BAG4: variants seen among roughly 807,000 people sequenced by gnomAD.
The protein encoded by BAG4 is BAG family molecular chaperone regulator 4.
In BAG4, 28 loss-of-function variants were observed where a neutral mutation model predicts 52.1. That is an observed-to-expected ratio of 0.54 (90% confidence interval 0.40 to 0.74). The LOEUF is 0.74. BAG4 is among the 30% of genes least tolerant of loss of function. BAG4 has a pLI of 0.00. For synonymous variants in BAG4, 208 were observed against 217.0 expected (o/e 0.96, Z 0.37); for missense variants, 525 against 572.0 (o/e 0.92, Z 0.84).
intron 1 of BAG4, among the ~76,000 whole-genome samples, chr8:38,186,377 G>A (rs1373226110): frequency 6.6e-6 from 1 of 152,164 alleles, no homozygotes; most frequent in Non-Finnish European, 1.5e-5. Flanking sequence ...GAGTGGCTCA[G>A]ATGTTTTATC....
intron 1 of BAG4, among the ~76,000 whole-genome samples, chr8:38,183,855 T>C (rs963395121): frequency 6.6e-6 from 1 of 152,132 alleles, no homozygotes; most frequent in Non-Finnish European, 1.5e-5. Context: ...TTCCTTGATT[T>C]CTGGTACAAC....
At chr8:38,200,266 CA>C (rs1803638529) in intron 2 of BAG4, among the ~76,000 whole-genome samples, 1 of 152,144 alleles carries the variant, frequency 6.6e-6, no homozygotes, top group Admixed American at 6.5e-5. Flanking sequence ...CTCGGCCTCC[CA>C]AAGTGCTGGA....
Position 38,207,682 on chromosome 8 carries a change from C to T in BAG4, c.549C>T (p.Val183=). Residue 183 remains valine, a synonymous_variant, in exon 3 of 5, where the codon GTC becomes GTT. Coordinates refer to ENST00000287322, the MANE Select transcript of BAG4 (RefSeq NM_004874.4). ...YRSSGNSPTP[V]SRWIYPQQDC... ...CATCTGGCAACAGCCCAACTCCAGT[C>T]TCTCGTTGGATCTATCCCCAGCAGG... 6.2e-7 allele frequency: 1 copy of T among 1,614,164 alleles called. No homozygotes were observed. The highest frequency in any genetic ancestry group is 2.2e-5 in the East Asian group (1 of 44,884).
At position 38,210,242 on chromosome 8, in the gene BAG4, A is replaced by G. The variant is rs1351503289; in HGVS notation, c.1123A>G (p.Ser375Gly). 6.2e-7 allele frequency: 1 copy of G among 1,614,086 alleles called. No homozygotes were observed. Among genetic ancestry groups the G allele is most frequent in the Non-Finnish European group, 8.5e-7 (1 of 1,180,044 alleles). The change falls in exon 5 of 5, where the codon AGT (serine) becomes GGT (glycine). Residue 375 changes from serine to glycine, a missense_variant. By Grantham distance (56) the Ser-to-Gly change is moderately conservative. Transcript: ENST00000287322. ...TGAAGAATGTGTACCTTCAGATGAA[A>G]GTACTCCTCCGAGTATTAAAAAAAT... ...LPEECVPSDE[S>G]TPPSIKKIIH...
intron 1 of BAG4, among the ~76,000 whole-genome samples, chr8:38,181,886 CAAAAAAAAA>C (rs34268146): frequency 1.2e-3 from 45 of 37,264 alleles, no homozygotes; most frequent in South Asian, 4.1e-3. Flanking sequence ...GAGACTATCT[CAAAAAAAAA>C]AAAAAAAAAA....
chr8:38,182,403 T>C (rs896598356), intron 1 of BAG4, among the ~76,000 whole-genome samples: 2 of 152,172 alleles, frequency 1.3e-5, no homozygotes, highest in African/African-American at 4.8e-5. Flanking sequence ...TGTTGGTAAG[T>C]CATTTTGGAA....
At chr8:38,187,277 CAAAT>C (rs1803378802) in intron 1 of BAG4, among the ~76,000 whole-genome samples, 1 of 151,500 alleles carries the variant, frequency 6.6e-6, no homozygotes, top group African/African-American at 2.4e-5. Context: ...AAAAAAGAAA[CAAAT>C]AGAAATTCTG....
chr8:38,191,878 T>A (rs1485165598), intron 1 of BAG4, among the ~76,000 whole-genome samples: 1 of 152,122 alleles, frequency 6.6e-6, no homozygotes, highest in African/African-American at 2.4e-5. Context: ...TTTGAGTATA[T>A]TTAGTCTTTT....
chr8:38,188,744 G>A (rs1803417372), intron 1 of BAG4, among the ~76,000 whole-genome samples: 4 of 150,582 alleles, frequency 2.7e-5, no homozygotes, highest in Admixed American at 2.7e-4. Context: ...GCAACTATGA[G>A]AAAGCTGGAG....
At chr8:38,191,299 GA>G (rs1803469590) in intron 1 of BAG4, among the ~76,000 whole-genome samples, 1 of 152,070 alleles carries the variant, frequency 6.6e-6, no homozygotes, top group Admixed American at 6.6e-5. Context: ...TATGATTACT[GA>G]AAAAAATTCA....
chr8:38,206,200 G>T (rs1803767468), intron 2 of BAG4, among the ~76,000 whole-genome samples: 1 of 151,296 alleles, frequency 6.6e-6, no homozygotes, highest in Non-Finnish European at 1.5e-5. Context: ...GCTTGAATCT[G>T]GGGGGTGGAG....
At chr8:38,186,985 G>T (rs1305254505) in intron 1 of BAG4, among the ~76,000 whole-genome samples, 5 of 152,150 alleles carry the variant, frequency 3.3e-5, no homozygotes, top group Non-Finnish European at 5.9e-5. Flanking sequence ...TGGAAAAGGT[G>T]GGACCAGTAG....
chr8:38,203,474 A>G (rs568153687), intron 2 of BAG4, among the ~76,000 whole-genome samples: 3 of 151,994 alleles, frequency 2.0e-5, no homozygotes, highest in East Asian at 1.9e-4. Flanking sequence ...TAGTAGAGAC[A>G]GGGTTTCACC....
intron 2 of BAG4, among the ~76,000 whole-genome samples, chr8:38,195,225 A>G (rs534385463): frequency 6.6e-6 from 1 of 152,130 alleles, no homozygotes; most frequent in African/African-American, 2.4e-5. Flanking sequence ...ATGACAGCTC[A>G]CTGCATCCTC....
intron 2 of BAG4, among the ~76,000 whole-genome samples, chr8:38,204,576 C>T (rs1234399454): frequency 1.3e-5 from 2 of 151,492 alleles, no homozygotes; most frequent in Non-Finnish European, 1.5e-5. Flanking sequence ...AGGATCACTT[C>T]AGCCTAAAAG....
chr8:38,193,716 C>T (rs1803515586), intron 2 of BAG4, among the ~76,000 whole-genome samples: 1 of 151,278 alleles, frequency 6.6e-6, no homozygotes. Flanking sequence ...CAGGCACACA[C>T]CACCATACCC....
At chr8:38,202,900 A>G (rs1803705429) in intron 2 of BAG4, 2 of 152,168 alleles carry the variant, frequency 1.3e-5, no homozygotes, top group African/African-American at 4.8e-5. Context: ...CTGAAGTCCT[A>G]GAAGCATTTT....
chr8:38,190,322 T>A (rs1803453103), intron 1 of BAG4, among the ~76,000 whole-genome samples: 2 of 152,244 alleles, frequency 1.3e-5, no homozygotes, highest in Admixed American at 6.5e-5. Flanking sequence ...AAGATATTTT[T>A]AAATTTCTTT....
Position 38,209,059 on chromosome 8 carries a change from G to A in BAG4, c.680G>A (p.Arg227His), listed in dbSNP as rs770041398. 5 of 1,614,106 alleles carry A rather than the reference G, an allele frequency of 3.1e-6. No individual in the cohort carries two copies. Among genetic ancestry groups the A allele is most frequent in the Admixed American group, 1.7e-5 (1 of 60,014 alleles). ...CATTATCCTTATGGAGATGGTAATC[G>A]TAGTGTTCCACAATCAGGACCGACT... ...LPHYPYGDGNRSVPQSGPTVR... is the reference protein window; with the variant it reads ...LPHYPYGDGNHSVPQSGPTVR... Residue 227 changes from arginine (R) to histidine (H), a missense_variant, in exon 4 of 5, where the codon CGT becomes CAT. Physicochemically the swap from Arg to His is conservative, Grantham distance 29 (BLOSUM62 0). Around this residue, in one of 2 missense-constraint regions of BAG4, gnomAD observed 238 missense variants for 305.8 expected, o/e 0.78. Coordinates refer to ENST00000287322, the MANE Select transcript of BAG4 (RefSeq NM_004874.4).
Sources: gnomAD v4.1 joint callset for allele counts (sites outside exome capture counted in the v4.1 genomes callset) on GRCh38, gnomAD v4.1.1 for gene constraint, gnomAD v4.1.1 regional missense constraint, MANE v1.5 for transcripts, NCBI Gene and HGNC (gene_info 2026-07-23, HGNC 2026-07-21) for gene names.